The following ME3 variants were observed in gnomAD, a reference collection of about 807,000 sequenced individuals.
ME3 encodes the protein NADP-dependent malic enzyme, mitochondrial.
Under a neutral mutation model 68.9 loss-of-function variants are expected in ME3, and 48 were observed. The ratio of observed to expected loss-of-function variants is 0.70; its 90% CI spans 0.55 to 0.89. The LOEUF (loss-of-function observed/expected upper bound fraction) is 0.89. ME3 is among the 40% of genes least tolerant of loss of function. The pLI, the probability that ME3 is intolerant of heterozygous loss-of-function variation, is 0.00. For synonymous variants in ME3, 320 were observed against 318.8 expected (o/e 1.00, Z -0.04); for missense variants, 675 against 797.4 (o/e 0.85, Z 1.85).
At chr11:86,651,438 A>T (rs535797479) in intron 2 of ME3, among the ~76,000 whole-genome samples, 1 of 152,222 alleles carries the variant, frequency 6.6e-6, no homozygotes, top group African/African-American at 2.4e-5. Context: ...CTGTTCATCA[A>T]TATCCGCTGT....
intron 2 of ME3, among the ~76,000 whole-genome samples, chr11:86,638,044 T>C (rs948923137): frequency 6.6e-6 from 1 of 151,244 alleles, no homozygotes; most frequent in Non-Finnish European, 1.5e-5. Context: ...GGCACCTGGG[T>C]ATGAAACTCA....
chr11:86,599,132 T>G (rs1184519126), intron 2 of ME3, among the ~76,000 whole-genome samples: 1 of 152,128 alleles, frequency 6.6e-6, no homozygotes, highest in Non-Finnish European at 1.5e-5. Flanking sequence ...AGAAGAAGGC[T>G]TCAGACGATC....
rs143766616 is a variant in ME3, at chr11:86,658,009, A to G, written c.183+13753T>C. Among the ~76,000 whole-genome samples, 1,336 of 152,298 alleles carry G rather than the reference A, an allele frequency of 8.8e-3. 27 individuals are homozygous for G. Among genetic ancestry groups the G allele is most frequent in the African/African-American group, 0.03 (1,249 of 41,552 alleles). ...AGCTCTTCTTAGGTTGGCAACCCTCAGCATCTTAGGGGTACCATGAAGAAC... is the reference window on the plus strand; with the variant it reads ...AGCTCTTCTTAGGTTGGCAACCCTCGGCATCTTAGGGGTACCATGAAGAAC... On this transcript the variant is annotated intron_variant, in intron 2 of 14. Coordinates refer to ENST00000543262, the Ensembl canonical transcript of ME3.
chr11:86,526,440 G>T (rs10898493), intron 4 of ME3, among the ~76,000 whole-genome samples: 3 of 152,052 alleles, frequency 2.0e-5, no homozygotes, highest in African/African-American at 2.4e-5. Flanking sequence ...CCACCTCTCG[G>T]GGCAGGGCAA....
At chr11:86,473,810 A>C (rs1273228632) in intron 7 of ME3, among the ~76,000 whole-genome samples, 1 of 152,194 alleles carries the variant, frequency 6.6e-6, no homozygotes, top group Non-Finnish European at 1.5e-5. Flanking sequence ...GATTGGAGAA[A>C]GAGGGAATAC....
chr11:86,520,608 C>T (rs977787455), intron 4 of ME3, among the ~76,000 whole-genome samples: 17 of 152,140 alleles, frequency 1.1e-4, no homozygotes, highest in African/African-American at 2.9e-4. Flanking sequence ...GCCCCTTGGC[C>T]CTGCCCTTTC....
Position 86,519,407 on chromosome 11 carries a change from T to G in ME3, c.468-10540A>C, listed in dbSNP as rs547170148. On this transcript the variant is annotated intron_variant, in intron 4 of 14. Coordinates refer to ENST00000543262, the Ensembl canonical transcript of ME3. ...GAGAAAAAGACTCTTAACCCTTATC[T>G]CGGCCTGTAGAAGAGTGATTCTTGC... Among the ~76,000 whole-genome samples the G allele has an allele frequency of 4.6e-5, 7 of 152,304 alleles. No homozygotes were observed. The South Asian group carries it at 1.5e-3, about 32-fold the overall frequency.
chr11:86,627,976 C>T (rs1354040209), intron 2 of ME3, among the ~76,000 whole-genome samples: 3 of 152,158 alleles, frequency 2.0e-5, no homozygotes, highest in Admixed American at 6.5e-5. Context: ...GCTAAAGTCC[C>T]CCCACCCTCC....
At chr11:86,451,389 A>G (rs1387852942) in intron 8 of ME3, among the ~76,000 whole-genome samples, 3 of 152,236 alleles carry the variant, frequency 2.0e-5, no homozygotes, top group African/African-American at 7.2e-5. Context: ...TCTTTCAATA[A>G]TCAGGTGGAC....
chr11:86,559,892 C>A, intron 2 of ME3, 69 bp from the exon 3 acceptor site: 3 of 1,525,836 alleles, frequency 2.0e-6, no homozygotes, highest in Non-Finnish European at 2.7e-6. Flanking sequence ...CAGAAGGGGT[C>A]CCACCCACAG....
intron 7 of ME3, among the ~76,000 whole-genome samples, chr11:86,483,498 G>A (rs1020500625): frequency 6.6e-6 from 1 of 151,812 alleles, no homozygotes; most frequent in African/African-American, 2.4e-5. Flanking sequence ...TGTATCTCAG[G>A]GATTACGTGT....
chr11:86,450,515 C>T (rs867002922), intron 8 of ME3, 117 bp from the exon 9 acceptor site: 2 of 728,026 alleles, frequency 2.7e-6, no homozygotes, highest in Non-Finnish European at 2.3e-6. Context: ...CTTTTCTTAG[C>T]CCTTATGCCC....
At chr11:86,600,463 T>A (rs1960418803) in intron 2 of ME3, among the ~76,000 whole-genome samples, 1 of 151,312 alleles carries the variant, frequency 6.6e-6, no homozygotes. Context: ...AAGTCCTGAG[T>A]GACCTACAAA....
rs544998185 is a variant in ME3, at chr11:86,629,008, T to G, written c.183+42754A>C. Among the ~76,000 whole-genome samples, 22 of 152,356 alleles carry G rather than the reference T, an allele frequency of 1.4e-4. No homozygotes were observed. In the East Asian group the frequency reaches 1.5e-3, roughly 11 times the overall value. ...CGCTCTTCTTCCTCACAGTCTTGCA[T>G]TAACAATTCCAATTAAACAGGGTCT... On this transcript the variant is annotated intron_variant, in intron 2 of 14. Coordinates refer to ENST00000543262, the Ensembl canonical transcript of ME3.
chr11:86,597,078 G>T (rs574375145), intron 2 of ME3, among the ~76,000 whole-genome samples: 49 of 152,352 alleles, frequency 3.2e-4, no homozygotes, highest in African/African-American at 1.0e-3. Flanking sequence ...TCTGACATAA[G>T]GTCATGGAAG....
intron 2 of ME3, among the ~76,000 whole-genome samples, chr11:86,590,116 T>C (rs1958974732): frequency 6.6e-6 from 1 of 152,204 alleles, no homozygotes; most frequent in Non-Finnish European, 1.5e-5. Flanking sequence ...GAGTTGGTCA[T>C]AGACAGTATC....
chr11:86,489,562 T>G (rs1440911100), intron 6 of ME3, among the ~76,000 whole-genome samples: 2 of 152,036 alleles, frequency 1.3e-5, no homozygotes, highest in African/African-American at 4.8e-5. Context: ...GGAGGGCAAT[T>G]GGTGGACAGC....
At chr11:86,671,859 G>A (rs374173188) in exon 2 of ME3, 19 of 1,580,902 alleles carry the variant, frequency 1.2e-5, no homozygotes, top group East Asian at 4.9e-5. Context: ...TTGGGCGGGC[G>A]CGGTGGGTGT....
chr11:86,475,426 C>T (rs1021364481), intron 7 of ME3, among the ~76,000 whole-genome samples: 1 of 152,174 alleles, frequency 6.6e-6, no homozygotes, highest in Admixed American at 6.5e-5. Flanking sequence ...GCCGGCAGAA[C>T]CATGAGCTAA....
Sources: allele counts gnomAD v4.1 joint callset (sites outside exome capture counted in the v4.1 genomes callset), GRCh38; gene constraint gnomAD v4.1.1; transcripts MANE v1.5; gene names NCBI Gene and HGNC (gene_info 2026-07-23, HGNC 2026-07-21).